BMP5: variants seen among roughly 807,000 people sequenced by gnomAD.
The protein encoded by BMP5 is bone morphogenetic protein 5.
Under a neutral mutation model 46.6 loss-of-function variants are expected in BMP5, and 23 were observed. That is an observed-to-expected ratio of 0.49 (90% CI 0.35 to 0.70). The LOEUF is 0.70. Among genes scored for constraint, BMP5 ranks in the 30% least tolerant of loss-of-function variants. The pLI, the probability that BMP5 is intolerant of heterozygous loss-of-function variation, is 0.00. For missense variants in BMP5, 545 were observed against 565.6 expected, an observed-to-expected ratio of 0.96 and a Z score of 0.37; for synonymous variants, 204 against 191.9, an observed-to-expected ratio of 1.06 and a Z score of -0.52.
Position 55,844,555 on chromosome 6 carries a change from A to G in BMP5, c.491-24708T>C, listed in dbSNP as rs371944407. 5.3e-4 allele frequency among the ~76,000 whole-genome samples: 81 copies of G among 152,114 alleles called. No individual in the cohort carries two copies. In the South Asian group the frequency reaches 0.016, roughly 31 times the overall value. ...CGAGAGTGATTTTATGAGTTCTACAAATTAACAGATTACTTTCTTTTCCAA... is the reference window on the plus strand; with the variant it reads ...CGAGAGTGATTTTATGAGTTCTACAGATTAACAGATTACTTTCTTTTCCAA... On this transcript the variant is annotated intron_variant, in intron 1 of 6. Transcript: ENST00000370830.
intron 1 of BMP5, among the ~76,000 whole-genome samples, chr6:55,870,059 A>C (rs542170161): frequency 3.9e-5 from 6 of 152,162 alleles, no homozygotes; most frequent in Admixed American, 2.6e-4. Flanking sequence ...GGGAGGAGGG[A>C]GAGTGGTGAT....
At chr6:55,865,612 G>A (rs753265722) in intron 1 of BMP5, among the ~76,000 whole-genome samples, 13 of 152,088 alleles carry the variant, frequency 8.5e-5, no homozygotes, top group Non-Finnish European at 1.9e-4. Context: ...TTTAGACAGA[G>A]GAAAAATTAT....
rs763995862 is a variant in BMP5 at position 55,794,384 on chromosome 6, A to T, written c.727T>A (p.Leu243Ile). 1 of 1,614,022 alleles carries T rather than the reference A, an allele frequency of 6.2e-7. No homozygotes were observed. Among genetic ancestry groups the T allele is most frequent in the South Asian group, 1.1e-5 (1 of 91,082 alleles). ...TCAAAGACAAGCCAACCCACATCTA[A>T]AGCTTGGGCCTTTCTTGTGTCTAAC... Reference protein sequence around the residue: ...FLLDTRKAQALDVGWLVFDIT... With the variant: ...FLLDTRKAQAIDVGWLVFDIT... The change falls in exon 3 of 7, where the codon TTA becomes ATA. Residue 243 changes from leucine to isoleucine, a missense_variant. Transcript: ENST00000370830.
chr6:55,795,287 C>T (rs1775681071), intron 2 of BMP5, among the ~76,000 whole-genome samples: 1 of 152,030 alleles, frequency 6.6e-6, no homozygotes. Flanking sequence ...GTATTGAAAA[C>T]ATTCAGGCTC....
chr6:55,824,198 C>T (rs1776476685), intron 1 of BMP5, among the ~76,000 whole-genome samples: 1 of 151,744 alleles, frequency 6.6e-6, no homozygotes. Flanking sequence ...AGCATTCTGT[C>T]TTTCTGTATA....
Position 55,774,240 on chromosome 6 carries a change from C to T in BMP5, c.836G>A (p.Arg279His), listed in dbSNP as rs372083649. ...LQLCAETGDG[R>H]SINVKSAGLV... ...ACCAGCAGATTTTACGTTGATACTG[C>T]GTCCTAGAACGTAATACAAAAGCAC... Residue 279 changes from arginine to histidine, a missense_variant, in exon 4 of 7, where the codon CGC becomes CAC. Physicochemically the swap from Arg to His is conservative, Grantham distance 29. Transcript: ENST00000370830. 32 of 1,612,170 alleles carry T rather than the reference C, an allele frequency of 2.0e-5. No individual in the cohort carries two copies. The highest frequency in any genetic ancestry group is 8.9e-5 in the East Asian group (4 of 44,850).
chr6:55,873,395 T>C (rs1482720329), intron 1 of BMP5, among the ~76,000 whole-genome samples: 1 of 151,908 alleles, frequency 6.6e-6, no homozygotes, highest in African/African-American at 2.4e-5. Flanking sequence ...TCTTCAAACA[T>C]AAAATATATT....
At chr6:55,865,302 C>A in intron 1 of BMP5, 1 of 403,012 alleles carries the variant, frequency 2.5e-6, no homozygotes, top group Non-Finnish European at 4.9e-6. Context: ...TTGTATATTA[C>A]TACCTTGGCT....
At chr6:55,868,195 G>T (rs1777695807) in intron 1 of BMP5, among the ~76,000 whole-genome samples, 1 of 151,966 alleles carries the variant, frequency 6.6e-6, no homozygotes. Flanking sequence ...AATCTAAATA[G>T]GATTTACATC....
Position 55,849,578 on chromosome 6 carries a change from A to G in BMP5, c.490+24798T>C, listed in dbSNP as rs72870605. 9.8e-3 allele frequency among the ~76,000 whole-genome samples: 1,493 copies of G among 152,172 alleles called. 11 individuals carry two copies. The highest frequency in any genetic ancestry group is 0.017 in the Non-Finnish European group (1,132 of 67,936). On this transcript the variant is annotated intron_variant, in intron 1 of 6. Transcript: ENST00000370830. ...TAAGGAAGAGCAAAAGGAGCAAACT[A>G]AAGCAGAGTGAGCTGCAGGAAGAGT...
intron 4 of BMP5, among the ~76,000 whole-genome samples, chr6:55,762,780 C>A (rs569541815): frequency 1.3e-5 from 2 of 152,164 alleles, no homozygotes; most frequent in African/African-American, 2.4e-5. Flanking sequence ...GGTCAGCAAA[C>A]TTTTTAAAAG....
At chr6:55,852,706 G>A (rs1777276006) in intron 1 of BMP5, among the ~76,000 whole-genome samples, 1 of 152,096 alleles carries the variant, frequency 6.6e-6, no homozygotes, top group South Asian at 2.1e-4. Flanking sequence ...AAAACTTGTA[G>A]CATTTCAAAC....
intron 1 of BMP5, among the ~76,000 whole-genome samples, chr6:55,832,778 T>C (rs1776696387): frequency 6.6e-6 from 1 of 152,074 alleles, no homozygotes. Context: ...AATTCCAAAA[T>C]TCTGTGTCTC....
At chr6:55,797,609 C>CTT (rs1317753532) in intron 2 of BMP5, among the ~76,000 whole-genome samples, 21 of 134,536 alleles carry the variant, frequency 1.6e-4, no homozygotes, top group African/African-American at 5.9e-4. Context: ...TGATTATTTT[C>CTT]TTTTCTTTTT....
At chr6:55,789,035 G>A (rs1775515282) in intron 3 of BMP5, among the ~76,000 whole-genome samples, 1 of 151,498 alleles carries the variant, frequency 6.6e-6, no homozygotes, top group Non-Finnish European at 1.5e-5. Context: ...CCTTGATGTG[G>A]TTGAAAATTA....
chr6:55,860,511 C>A (rs1230908374), intron 1 of BMP5, among the ~76,000 whole-genome samples: 1 of 152,028 alleles, frequency 6.6e-6, no homozygotes, highest in Non-Finnish European at 1.5e-5. Context: ...AATTAGAAAT[C>A]AGATATTAAG....
At chr6:55,813,511 C>T (rs1462709255) in intron 2 of BMP5, among the ~76,000 whole-genome samples, 1 of 151,526 alleles carries the variant, frequency 6.6e-6, no homozygotes, top group Non-Finnish European at 1.5e-5. Context: ...GTAATTTGGC[C>T]GGGCGCGGTG....
At chr6:55,800,843 C>T (rs994688125) in intron 2 of BMP5, among the ~76,000 whole-genome samples, 23 of 152,098 alleles carry the variant, frequency 1.5e-4, no homozygotes, top group African/African-American at 5.1e-4. Flanking sequence ...GGGATCAGAA[C>T]CCAGTTTTCC....
intron 1 of BMP5, among the ~76,000 whole-genome samples, chr6:55,870,662 C>A (rs1223040507): frequency 6.6e-6 from 1 of 151,932 alleles, no homozygotes; most frequent in Admixed American, 6.6e-5. Flanking sequence ...TTGATTCAGC[C>A]AAAAACAATA....
Sources: allele counts gnomAD v4.1 joint callset (sites outside exome capture counted in the v4.1 genomes callset), GRCh38; gene constraint gnomAD v4.1.1; transcripts MANE v1.5; gene names NCBI Gene and HGNC (gene_info 2026-07-23, HGNC 2026-07-21).